The following STRN4 variants were observed in gnomAD, a reference collection of about 807,000 sequenced individuals.
STRN4 encodes striatin-4.
In STRN4, 27 loss-of-function variants were observed where a neutral mutation model predicts 77.9. The ratio of observed to expected loss-of-function variants is 0.35; its 90% CI spans 0.26 to 0.48. STRN4 has a LOEUF of 0.48. STRN4 is among the 20% of genes least tolerant of loss of function. The pLI, the probability that STRN4 is intolerant of heterozygous loss-of-function variation, is 0.99. For missense variants in STRN4, 798 were observed against 1,049.7 expected (o/e 0.76, Z 3.31); for synonymous variants, 466 against 443.1 (o/e 1.05, Z -0.65).
In STRN4 at chr19:46,738,274, G is replaced by A; in HGVS notation, c.387-37C>T. On this transcript the variant is annotated intron_variant, in intron 2 of 17. Transcript: ENST00000263280. The surrounding 1 kb of genome is among the most constrained non-coding windows in gnomAD (Gnocchi z 4.5). The stretch of plus-strand genomic sequence containing the variant: ...AATGATTAATGAATAAGAGATGCGG[G>A]AGAGTAGACAGGGTCAGTAGTTACC... 6.3e-7 allele frequency: 1 copy of A among 1,585,226 alleles called. No homozygotes were observed.
At chr19:46,722,724 T>A (rs1411575948) in intron 14 of STRN4, 86 bp downstream of exon 14, 2 of 1,570,466 alleles carry the variant, frequency 1.3e-6, no homozygotes, top group Admixed American at 3.4e-5. Flanking sequence ...CTGAGCTGAC[T>A]GACAAGGGGT....
Position 46,728,674 on chromosome 19 carries a change from C to T in STRN4, c.983G>A (p.Gly328Glu), listed in dbSNP as rs1205933473. 6.2e-7 allele frequency: 1 copy of T among 1,614,036 alleles called. No homozygotes were observed. The highest frequency in any genetic ancestry group is 8.5e-7 in the Non-Finnish European group (1 of 1,180,006). The part of the protein sequence containing the change: ...EFDFLGSGED[G>E]EGAPDPRRCT... ...CCGCCGAGGGTCTGGAGCCCCTTCC[C>T]CATCCTCTCCTGAGCCCAGGAAATC... Residue 328 changes from glycine (G) to glutamate (E), a missense_variant, in exon 7 of 18, where the codon GGG becomes GAG. Gly to Glu is a moderately conservative substitution (Grantham distance 98). This residue lies in a region of STRN4 where 511 missense variants were observed against 575.9 expected (regional missense o/e 0.89). Coordinates refer to ENST00000263280, the MANE Select transcript of STRN4 (RefSeq NM_013403.3).
intron 1 of STRN4, among the ~76,000 whole-genome samples, chr19:46,744,852 A>C (rs1221230130): frequency 6.6e-6 from 1 of 151,840 alleles, no homozygotes; most frequent in East Asian, 1.9e-4. Flanking sequence ...GCCATTCCTG[A>C]TCCCTTCAAA....
At chr19:46,720,906 A>T (rs2122215020) in intron 16 of STRN4, 135 bp from the exon 17 acceptor site, 3 of 1,076,258 alleles carry the variant, frequency 2.8e-6, no homozygotes, top group Non-Finnish European at 3.8e-6. Context: ...CCCTCTGCTC[A>T]TCACCTCCTG....
At chr19:46,739,172 C>A in intron 1 of STRN4, 1 of 431,480 alleles carries the variant, frequency 2.3e-6, no homozygotes, top group Non-Finnish European at 4.3e-6. Context: ...CACCTGGTGG[C>A]TGCCTTTGGG....
intron 9 of STRN4, chr19:46,726,374 G>A (rs2122251747): frequency 6.6e-6 from 1 of 152,358 alleles, no homozygotes; most frequent in Middle Eastern, 3.4e-3. Flanking sequence ...ACGGGGCACA[G>A]TGGCTCACGC....
At chr19:46,727,279 C>G (rs1275076745) in intron 9 of STRN4, among the ~76,000 whole-genome samples, 173 bp downstream of exon 9, 3 of 152,026 alleles carry the variant, frequency 2.0e-5, no homozygotes, top group Non-Finnish European at 4.4e-5. Context: ...GCTCCAGAGT[C>G]TTCCAGGCCC....
chr19:46,734,672 T>C (rs558203886), intron 4 of STRN4, among the ~76,000 whole-genome samples: 1 of 152,308 alleles, frequency 6.6e-6, no homozygotes, highest in Admixed American at 6.5e-5. Context: ...TAACTCTTTT[T>C]TGTTGTTGTT....
In STRN4 at chr19:46,722,870, C is replaced by T. The variant is rs202080872; in HGVS notation, c.1846G>A (p.Val616Ile). 20 of 1,613,998 alleles carry T rather than the reference C, an allele frequency of 1.2e-5. No homozygotes were observed. The highest frequency in any genetic ancestry group is 6.7e-5 in the African/African-American group (5 of 75,066). Reference sequence around the variant, plus strand: ...CTGCCAACCTCCATGTCATACAAGACGGTGTCGCCAGAGCGGAAGGAGGCC... The same window carrying T: ...CTGCCAACCTCCATGTCATACAAGATGGTGTCGCCAGAGCGGAAGGAGGCC... Reference protein sequence around the residue: ...IVASFRSGDTVLYDMEVGSAL... With the variant: ...IVASFRSGDTILYDMEVGSAL... Residue 616 changes from valine (V) to isoleucine (I), a missense_variant, in exon 14 of 18, where the codon GTC becomes ATC. Around this residue, in one of 2 missense-constraint regions of STRN4, gnomAD observed 287 missense variants for 473.8 expected, o/e 0.61. Coordinates refer to ENST00000263280, the MANE Select transcript of STRN4 (RefSeq NM_013403.3).
At chr19:46,744,771 G>A (rs985249406) in intron 1 of STRN4, among the ~76,000 whole-genome samples, 2 of 151,806 alleles carry the variant, frequency 1.3e-5, no homozygotes, top group Non-Finnish European at 2.9e-5. Context: ...GGAAAGGTGG[G>A]CTGCTACAAG....
In STRN4 at chr19:46,746,446, G is replaced by C. The variant is rs538487169; in HGVS notation, c.-16C>G. The C allele has an allele frequency of 3.0e-6, 3 of 1,004,464 alleles. No individual in the cohort carries two copies. The Admixed American group carries it at 1.8e-4, about 60-fold the overall frequency. 62.2% of individuals were successfully genotyped at this position (1,004,464 alleles called of 1,614,324 possible). A position where few individuals can be genotyped will look rare whatever the true frequency, so the allele number is the denominator to read the frequency against. ...CCTCCATCATGGAGGCCCCGGGGCC[G>C]GCCTGCGCGCCCGCTGTGCCTCGCG... is the stretch of plus-strand genomic sequence containing the variant. On this transcript the variant is annotated 5_prime_UTR_variant, in exon 1 of 18. Transcript: ENST00000263280.
chr19:46,737,058 T>G (rs1325691472), intron 3 of STRN4, among the ~76,000 whole-genome samples, 157 bp from the exon 4 acceptor site: 1 of 152,210 alleles, frequency 6.6e-6, no homozygotes, highest in Non-Finnish European at 1.5e-5. Flanking sequence ...CTTCCCTTAC[T>G]CGGGGATTCC....
At position 46,728,667 on chromosome 19, in the gene STRN4, C is replaced by T; in HGVS notation, c.990G>A (p.Gly330=). 1.9e-6 allele frequency: 3 copies of T among 1,614,124 alleles called. No individual in the cohort carries two copies. Among genetic ancestry groups the T allele is most frequent in the Non-Finnish European group, 2.5e-6 (3 of 1,179,994 alleles). Residue 330 remains glycine, a synonymous_variant, in exon 7 of 18, where the codon GGG becomes GGA. Coordinates refer to ENST00000263280, the MANE Select transcript of STRN4 (RefSeq NM_013403.3). ...DFLGSGEDGE[G]APDPRRCTVD... The stretch of plus-strand genomic sequence containing the variant: ...CAGTGCACCGCCGAGGGTCTGGAGC[C>T]CCTTCCCCATCCTCTCCTGAGCCCA...
At chr19:46,737,642 CCT>C (rs1384658881) in intron 3 of STRN4, among the ~76,000 whole-genome samples, 18 of 152,146 alleles carry the variant, frequency 1.2e-4, no homozygotes, top group South Asian at 6.2e-4. Flanking sequence ...TGCTCTCTCC[CCT>C]GACTCTCCTG....
intron 1 of STRN4, among the ~76,000 whole-genome samples, chr19:46,744,461 G>A (rs796873654): frequency 1.3e-5 from 2 of 152,022 alleles, no homozygotes; most frequent in East Asian, 1.9e-4. Flanking sequence ...ATGGCTCACC[G>A]CAGCCTCAAC....
intron 3 of STRN4, among the ~76,000 whole-genome samples, chr19:46,737,169 C>T (rs1369816199): frequency 6.6e-6 from 1 of 152,182 alleles, no homozygotes; most frequent in African/African-American, 2.4e-5. Flanking sequence ...AGAAAGCTGG[C>T]CTGGTTCTGA....
intron 16 of STRN4, 125 bp from the exon 17 acceptor site, chr19:46,720,896 C>T: frequency 5.1e-6 from 6 of 1,169,774 alleles, no homozygotes; most frequent in Non-Finnish European, 6.8e-6. Flanking sequence ...TCCTCTCTCA[C>T]CCTCTGCTCA....
intron 6 of STRN4, among the ~76,000 whole-genome samples, chr19:46,729,247 G>A (rs1157795165): frequency 2.0e-5 from 3 of 152,154 alleles, no homozygotes; most frequent in Non-Finnish European, 2.9e-5. Context: ...TCGCAGACAC[G>A]ACTTCACTTA....
chr19:46,740,815 G>C (rs2054460166), intron 1 of STRN4, among the ~76,000 whole-genome samples: 1 of 152,150 alleles, frequency 6.6e-6, no homozygotes, highest in African/African-American at 2.4e-5. Context: ...CATGCAATGT[G>C]ACTAGGACCC....
Sources: allele counts gnomAD v4.1 joint callset (sites outside exome capture counted in the v4.1 genomes callset), GRCh38; gene constraint gnomAD v4.1.1; regional missense constraint gnomAD v4.1.1; non-coding constraint Gnocchi (gnomAD v3.1); transcripts MANE v1.5; gene names NCBI Gene and HGNC (gene_info 2026-07-23, HGNC 2026-07-21).